The following HSPA12A variants were observed in gnomAD, a reference collection of about 807,000 sequenced individuals.
HSPA12A encodes the protein heat shock 70 kDa protein 12A.
A neutral mutation model predicts 69.2 loss-of-function variants in HSPA12A; 28 were observed. The observed-to-expected ratio is 0.40, with a 90% CI of 0.30 to 0.55. The LOEUF (loss-of-function observed/expected upper bound fraction) is 0.55. Ranked by LOEUF, HSPA12A falls within the 20% of genes least tolerant of loss-of-function variation. The pLI is 0.38. For synonymous variants in HSPA12A, 345 were observed against 370.5 expected (o/e 0.93, Z 0.79); for missense variants, 686 against 900.7 (o/e 0.76, Z 3.05).
chr10:116,691,718 G>A (rs1554880156), intron 6 of HSPA12A, among the ~76,000 whole-genome samples: 1 of 152,226 alleles, frequency 6.6e-6, no homozygotes, highest in Non-Finnish European at 1.5e-5. Flanking sequence ...AGTGCCCACA[G>A]GGATGGGCTG....
intron 2 of HSPA12A, among the ~76,000 whole-genome samples, chr10:116,751,906 A>C (rs1338451775): frequency 6.6e-6 from 1 of 152,012 alleles, no homozygotes; most frequent in Middle Eastern, 3.2e-3. Context: ...CCTTCACCAT[A>C]ATTGTAAGCT....
At chr10:116,816,611 G>A (rs955326674) in intron 2 of HSPA12A, among the ~76,000 whole-genome samples, 11 of 152,166 alleles carry the variant, frequency 7.2e-5, no homozygotes, top group Admixed American at 4.6e-4. Flanking sequence ...AACCGGCGCC[G>A]TCCTGCTCAC....
intron 2 of HSPA12A, among the ~76,000 whole-genome samples, chr10:116,771,013 C>T (rs1195117218): frequency 7.0e-6 from 1 of 143,332 alleles, no homozygotes; most frequent in African/African-American, 2.6e-5. Flanking sequence ...GCTGTGTGTG[C>T]TGGGGGAGGG....
At chr10:116,796,185 A>C (rs1407734628) in intron 2 of HSPA12A, among the ~76,000 whole-genome samples, 1 of 151,728 alleles carries the variant, frequency 6.6e-6, no homozygotes, top group Non-Finnish European at 1.5e-5. Flanking sequence ...GAAGAAAATT[A>C]AATAAGTTAT....
At chr10:116,780,335 TTTTTA>T (rs1161621763) in intron 2 of HSPA12A, among the ~76,000 whole-genome samples, 1 of 151,590 alleles carries the variant, frequency 6.6e-6, no homozygotes, top group Non-Finnish European at 1.5e-5. Context: ...TTTTTATTTA[TTTTTA>T]TTTTATTATA....
At chr10:116,745,620 T>C (rs1851631143), upstream of HSPA12A, among the ~76,000 whole-genome samples, 1 of 152,154 alleles carries the variant, frequency 6.6e-6, no homozygotes, top group Admixed American at 6.5e-5. Context: ...TCACTCCAGC[T>C]TCAAGGGCCT....
chr10:116,762,678 G>A (rs1233968603), intron 2 of HSPA12A, among the ~76,000 whole-genome samples: 1 of 152,138 alleles, frequency 6.6e-6, no homozygotes, highest in South Asian at 2.1e-4. Context: ...TCACCTCCTG[G>A]GTTCAAGCGA....
rs1355027349 is a variant in HSPA12A, at chr10:116,723,090, C to T, written c.41-15805G>A. Among the ~76,000 whole-genome samples, 2 of 152,166 alleles carry T rather than the reference C, an allele frequency of 1.3e-5. No homozygotes were observed. The highest frequency in any genetic ancestry group is 3.9e-4 in the East Asian group (2 of 5,188). Reference sequence around the variant, plus strand: ...CAGGCTGTCCCACTGGATCACATCACAACCACCACCATCATCATGTCACTC... The same window carrying T: ...CAGGCTGTCCCACTGGATCACATCATAACCACCACCATCATCATGTCACTC... On this transcript the variant is annotated intron_variant, in intron 1 of 11. Coordinates refer to ENST00000369209, the MANE Select transcript of HSPA12A (RefSeq NM_025015.3). The surrounding 1 kb of genome is among the most constrained non-coding windows in gnomAD (Gnocchi z 4.1).
intron 2 of HSPA12A, among the ~76,000 whole-genome samples, chr10:116,806,410 T>C (rs547837102): frequency 6.6e-6 from 1 of 152,160 alleles, no homozygotes; most frequent in Non-Finnish European, 1.5e-5. Context: ...TTTCATTATG[T>C]TGCCCAGGCT....
At chr10:116,803,667 G>C (rs1438016845) in intron 2 of HSPA12A, among the ~76,000 whole-genome samples, 1 of 152,188 alleles carries the variant, frequency 6.6e-6, no homozygotes, top group Non-Finnish European at 1.5e-5. Flanking sequence ...ATCGGAGCGT[G>C]AACTGTATTT....
At chr10:116,709,621 C>T (rs1161440015) in intron 1 of HSPA12A, among the ~76,000 whole-genome samples, 1 of 151,912 alleles carries the variant, frequency 6.6e-6, no homozygotes, top group Non-Finnish European at 1.5e-5. Context: ...TGTATCATTC[C>T]ACTTATAGGA....
rs782760106 is a variant in HSPA12A, at chr10:116,671,676, G to C, written c.*3105C>G. 6.6e-6 allele frequency: 1 copy of C among 152,594 alleles called. No individual in the cohort carries two copies. The highest frequency in any genetic ancestry group is 2.1e-4 in the South Asian group (1 of 4,818). 9.5% of individuals were successfully genotyped at this position (152,594 alleles called of 1,614,324 possible). ...TATGGTTCCTCCTCTTTCCCCTCCT[G>C]TCTGTAACTTGTCTGTTACTCAGCA... On this transcript the variant is annotated 3_prime_UTR_variant, in exon 12 of 12. Transcript: ENST00000369209.
In HSPA12A at chr10:116,701,046, C is replaced by A; in HGVS notation, c.338G>T (p.Ser113Ile). 6.2e-7 allele frequency: 1 copy of A among 1,614,174 alleles called. No homozygotes were observed. The highest frequency in any genetic ancestry group is 1.7e-5 in the Admixed American group (1 of 60,022). ...AAAGTCCCTGGCGGCATACCCGAAG[C>A]TGTGGAACTTCCTCTCGGGAGTCAG... ...ILLTPERKFH[S>I]FGYAARDFYH... The change falls in exon 4 of 12, where the codon AGC becomes ATC. Residue 113 changes from serine to isoleucine, a missense_variant. Ser to Ile is a moderately radical substitution (Grantham distance 142). Coordinates refer to ENST00000369209, the MANE Select transcript of HSPA12A (RefSeq NM_025015.3).
intron 2 of HSPA12A, among the ~76,000 whole-genome samples, chr10:116,780,414 C>T (rs984149479): frequency 1.3e-5 from 2 of 151,932 alleles, no homozygotes; most frequent in Non-Finnish European, 2.9e-5. Context: ...TGCAGAGGTG[C>T]AGTCACCACT....
chr10:116,771,025 G>A (rs12252307), intron 2 of HSPA12A, among the ~76,000 whole-genome samples: 9,990 of 149,866 alleles, frequency 0.067, 1,092 homozygotes, highest in African/African-American at 0.23. Context: ...GGGGGAGGGG[G>A]CAGTGGACTG....
At chr10:116,775,122 A>C (rs1260546872) in intron 2 of HSPA12A, among the ~76,000 whole-genome samples, 1 of 152,266 alleles carries the variant, frequency 6.6e-6, no homozygotes, top group Non-Finnish European at 1.5e-5. Context: ...TTGGGCCAGA[A>C]GCCAATAGCA....
intron 1 of HSPA12A, among the ~76,000 whole-genome samples, chr10:116,724,742 C>T (rs184295581): frequency 7.9e-5 from 12 of 152,296 alleles, no homozygotes; most frequent in East Asian, 7.7e-4. Flanking sequence ...AAGTGAGTGA[C>T]GCCTCCTGTC....
intron 6 of HSPA12A, among the ~76,000 whole-genome samples, chr10:116,690,108 G>C (rs1293817602): frequency 6.6e-6 from 1 of 152,222 alleles, no homozygotes; most frequent in Admixed American, 6.5e-5. Flanking sequence ...GATGGAGAGA[G>C]AGTAGAAAGA....
chr10:116,838,463 G>A (rs1845754050), intron 1 of HSPA12A, among the ~76,000 whole-genome samples: 2 of 152,136 alleles, frequency 1.3e-5, no homozygotes, highest in South Asian at 4.1e-4. Context: ...AGAAAAACAA[G>A]CCAAACACAC....
Sources: allele counts gnomAD v4.1 joint callset (sites outside exome capture counted in the v4.1 genomes callset), GRCh38; gene constraint gnomAD v4.1.1; non-coding constraint Gnocchi (gnomAD v3.1); transcripts MANE v1.5; gene names NCBI Gene and HGNC (gene_info 2026-07-23, HGNC 2026-07-21).